The following CYP39A1 variants were observed in gnomAD, a reference collection of about 807,000 sequenced individuals.
CYP39A1 encodes cytochrome P450 family 39 subfamily A member 1.
Under a neutral mutation model 58.1 loss-of-function variants are expected in CYP39A1, and 49 were observed. The observed-to-expected ratio is 0.84, with a 90% CI of 0.67 to 1.07. The LOEUF (loss-of-function observed/expected upper bound fraction) is 1.07. Among genes scored for constraint, CYP39A1 ranks in the 50% least tolerant of loss-of-function variants. The pLI is 0.00. For synonymous variants in CYP39A1, 209 were observed against 187.6 expected (o/e 1.11, Z -0.93); for missense variants, 531 against 539.4 (o/e 0.98, Z 0.16).
chr6:46,550,422 C>A lies in CYP39A1; in HGVS notation c.1354G>T (p.Val452Leu). 1.2e-6 allele frequency: 2 copies of A among 1,610,904 alleles called. No individual in the cohort carries two copies. The highest frequency in any genetic ancestry group is 1.7e-6 in the Non-Finnish European group (2 of 1,178,618). ...PLPKQSYLHL[V>L]GVPQPEGQCR... ...TGCCCTTCCGGCTGGGGGACACCCA[C>A]CAAATGGAGATAACTCTAAAAACAG... The change falls in exon 12 of 12, where the codon GTG becomes TTG. Residue 452 changes from valine to leucine, a missense_variant. Physicochemically the swap from Val to Leu is conservative, Grantham distance 32 (BLOSUM62 1). Transcript: ENST00000275016.
intron 4 of CYP39A1, 46 bp downstream of exon 4, chr6:46,637,783 T>A: frequency 6.3e-7 from 1 of 1,581,604 alleles, no homozygotes; most frequent in East Asian, 2.2e-5. Context: ...GTTGAATTGC[T>A]GAGATAAGCT....
chr6:46,608,786 G>A (rs1288283903), intron 7 of CYP39A1, among the ~76,000 whole-genome samples: 4 of 151,614 alleles, frequency 2.6e-5, no homozygotes, highest in Non-Finnish European at 5.9e-5. Context: ...GCTAATTTAT[G>A]TATTTTTAGT....
intron 6 of CYP39A1, among the ~76,000 whole-genome samples, chr6:46,625,901 A>G (rs533538829): frequency 6.6e-6 from 1 of 152,242 alleles, no homozygotes; most frequent in African/African-American, 2.4e-5. Context: ...AACATTTCTT[A>G]AGATTTAATT....
At chr6:46,574,839 A>C (rs1197249336) in intron 10 of CYP39A1, among the ~76,000 whole-genome samples, 1 of 151,760 alleles carries the variant, frequency 6.6e-6, no homozygotes, top group East Asian at 1.9e-4. Flanking sequence ...AATCACTGTT[A>C]ATTTTTTTAG....
At chr6:46,564,210 A>G (rs806495) in intron 10 of CYP39A1, among the ~76,000 whole-genome samples, 22,331 of 139,320 alleles carry the variant, frequency 0.16, 4,560 homozygotes, top group African/African-American at 0.46. Context: ...ATTTTATTTT[A>G]AGACAGAGTC....
At chr6:46,620,305 C>T (rs1455227929) in intron 7 of CYP39A1, among the ~76,000 whole-genome samples, 1 of 152,136 alleles carries the variant, frequency 6.6e-6, no homozygotes, top group Admixed American at 6.6e-5. Flanking sequence ...ACAGTATTCT[C>T]ATTATGCGAC....
At chr6:46,640,183 T>C (rs1776244512) in intron 2 of CYP39A1, among the ~76,000 whole-genome samples, 1 of 152,236 alleles carries the variant, frequency 6.6e-6, no homozygotes, top group Non-Finnish European at 1.5e-5. Flanking sequence ...AGGGATAATC[T>C]ATAAATGGGT....
chr6:46,604,365 T>C (rs1036435049), intron 7 of CYP39A1, among the ~76,000 whole-genome samples: 2 of 151,626 alleles, frequency 1.3e-5, no homozygotes, highest in Non-Finnish European at 2.9e-5. Context: ...TCTAGTGCTT[T>C]TTCCTTGAGG....
chr6:46,558,517 C>G (rs1049952738), intron 10 of CYP39A1, among the ~76,000 whole-genome samples: 3 of 152,116 alleles, frequency 2.0e-5, no homozygotes, highest in Non-Finnish European at 4.4e-5. Context: ...CTACCAGGCC[C>G]CTCCTCCTCC....
intron 5 of CYP39A1, 89 bp downstream of exon 5, chr6:46,636,298 ATC>A (rs1775986063): frequency 2.2e-6 from 2 of 892,678 alleles, no homozygotes; most frequent in African/African-American, 1.7e-5. Context: ...ATGGTATCTA[ATC>A]AATCTCATGT....
chr6:46,601,240 C>T (rs752065874), intron 7 of CYP39A1, among the ~76,000 whole-genome samples: 47 of 152,216 alleles, frequency 3.1e-4, no homozygotes, highest in Non-Finnish European at 5.6e-4. Flanking sequence ...TACTTCCATC[C>T]ACATCATTCC....
intron 7 of CYP39A1, among the ~76,000 whole-genome samples, chr6:46,601,928 T>C (rs1345514212): frequency 6.6e-6 from 1 of 152,120 alleles, no homozygotes; most frequent in African/African-American, 2.4e-5. Context: ...GCAGAAACCC[T>C]TTCCTGGCCA....
rs757364593 is a variant in CYP39A1, at chr6:46,625,505, C to A, written c.844G>T (p.Ala282Ser). 6.2e-7 allele frequency: 1 copy of A among 1,605,492 alleles called. No homozygotes were observed. The highest frequency in any genetic ancestry group is 1.1e-5 in the South Asian group (1 of 89,212). Residue 282 changes from alanine to serine, a missense_variant, in exon 7 of 12, where the codon GCA (alanine) becomes TCA (serine). By Grantham distance (99) the Ala-to-Ser change is moderately conservative (BLOSUM62 1). Coordinates refer to ENST00000275016, the MANE Select transcript of CYP39A1 (RefSeq NM_016593.5). The stretch of plus-strand genomic sequence containing the variant: ...AGGACGTATGCAAGTGTCCAAAATG[C>A]AACCTTAAAAAGAAAAACATATATC... ...WASLSNAVPVAFWTLAYVLSH... is the reference protein window; with the variant it reads ...WASLSNAVPVSFWTLAYVLSH...
intron 11 of CYP39A1, among the ~76,000 whole-genome samples, chr6:46,553,227 C>G (rs945795985): frequency 1.3e-5 from 2 of 152,088 alleles, no homozygotes; most frequent in Non-Finnish European, 2.9e-5. Flanking sequence ...AATTCGAGAG[C>G]CACTGATCTA....
intron 10 of CYP39A1, among the ~76,000 whole-genome samples, chr6:46,558,713 G>A (rs1770793010): frequency 6.6e-6 from 1 of 152,028 alleles, no homozygotes; most frequent in Non-Finnish European, 1.5e-5. Flanking sequence ...AAAGGTGATT[G>A]TCGGCCGGGC....
At position 46,556,610 on chromosome 6, in the gene CYP39A1, C is replaced by A. The variant is rs144663232; in HGVS notation, c.1251-2756G>T. On this transcript the variant is annotated intron_variant, in intron 10 of 11. Coordinates refer to ENST00000275016, the MANE Select transcript of CYP39A1 (RefSeq NM_016593.5). Reference sequence around the variant, plus strand: ...AAGAAAAAGTCTCACCATTGTACAGCACATGGACCATTAGCTAGAGCTCTT... The same window carrying A: ...AAGAAAAAGTCTCACCATTGTACAGAACATGGACCATTAGCTAGAGCTCTT... Among the ~76,000 whole-genome samples, 870 of 152,220 alleles carry A rather than the reference C, an allele frequency of 5.7e-3. 8 individuals carry two copies. The highest frequency in any genetic ancestry group is 0.02 in the Middle Eastern group (6 of 294).
chr6:46,616,782 G>A lies in CYP39A1; in HGVS notation c.931+8636C>T, dbSNP rs75816346. On this transcript the variant is annotated intron_variant, in intron 7 of 11. Transcript: ENST00000275016. ...ATGAAAGGGCAGAGATGAGGTCGTT[G>A]AGTTAGACAGGAATCAGATGACAAA... Among the ~76,000 whole-genome samples the A allele has an allele frequency of 3.3e-3, 495 of 152,254 alleles. 1 individual carries two copies. The highest frequency in any genetic ancestry group is 5.3e-3 in the Non-Finnish European group (359 of 68,000).
In CYP39A1 at chr6:46,642,168, C is replaced by A. The variant is rs2277119; in HGVS notation, c.308G>T (p.Arg103Leu). The change falls in exon 2 of 12, where the codon CGT becomes CTT. Residue 103 changes from arginine (R) to leucine (L), a missense_variant. Transcript: ENST00000275016. ...TATCTGAAAATATTCTTTACCTGTA[C>A]GATAAACGATATTTTGCACTGCTAG... ...FELAVQNIVYRTASIPKNVFL... is the reference protein window; with the variant it reads ...FELAVQNIVYLTASIPKNVFL... The A allele has an allele frequency of 1.4e-5, 22 of 1,611,920 alleles. No homozygotes were observed. The South Asian group carries it at 2.3e-4, about 17-fold the overall frequency.
intron 10 of CYP39A1, among the ~76,000 whole-genome samples, chr6:46,573,068 T>C (rs1771678502): frequency 6.6e-6 from 1 of 152,106 alleles, no homozygotes; most frequent in South Asian, 2.1e-4. Context: ...GTTGTTATGA[T>C]TGATATTATT....
Sources: gnomAD v4.1 joint callset for allele counts (sites outside exome capture counted in the v4.1 genomes callset) on GRCh38, gnomAD v4.1.1 for gene constraint, MANE v1.5 for transcripts, NCBI Gene and HGNC (gene_info 2026-07-23, HGNC 2026-07-21) for gene names.